Variants in RBFOX1 observed in about 807,000 individuals in gnomAD.
The protein encoded by RBFOX1 is RNA binding protein fox-1 homolog 1.
In RBFOX1, 8 loss-of-function variants were observed where a neutral mutation model predicts 57.7. That is an observed-to-expected ratio of 0.14 (90% CI 0.08 to 0.25). The LOEUF (loss-of-function observed/expected upper bound fraction) is 0.25, where lower values mean the gene tolerates loss of function less well. RBFOX1 is among the 10% of genes least tolerant of loss of function. The probability of loss-of-function intolerance (pLI) is 1.00; values close to 1 mark genes in which losing one functional copy is unlikely to be tolerated. For synonymous variants in RBFOX1, 326 were observed against 222.4 expected (o/e 1.47, Z -4.15); for missense variants, 611 against 548.5 (o/e 1.11, Z -1.14).
chr16:6,248,578 T>C (rs190088081), intron 1 of RBFOX1, among the ~76,000 whole-genome samples: 7 of 152,194 alleles, frequency 4.6e-5, no homozygotes, highest in East Asian at 3.9e-4. Context: ...GGGATGCAAA[T>C]TGGGGAGGGT....
rs146752953 is a variant in RBFOX1, at chr16:5,404,849, A to C, written c.220-62367A>C. Among the ~76,000 whole-genome samples the C allele has an allele frequency of 2.0e-3, 300 of 152,350 alleles. 4 individuals are homozygous for C. In the South Asian group the frequency reaches 0.02, roughly 10 times the overall value. ...GTTGAGAGAGAGCGACAAAGCCATGAAACCACCAAAGTCTTAACCACCAGG... is the reference window on the plus strand; with the variant it reads ...GTTGAGAGAGAGCGACAAAGCCATGCAACCACCAAAGTCTTAACCACCAGG... On this transcript the variant is annotated intron_variant, in intron 1 of 2. Coordinates refer to the RBFOX1 transcript ENST00000585867.
At chr16:6,546,498 T>C (rs1567632056) in intron 2 of RBFOX1, among the ~76,000 whole-genome samples, 1 of 152,182 alleles carries the variant, frequency 6.6e-6, no homozygotes, top group Non-Finnish European at 1.5e-5. Flanking sequence ...AATGGCACTC[T>C]CTGGCATATT....
intron 2 of RBFOX1, among the ~76,000 whole-genome samples, chr16:6,559,433 C>G (rs1179421622): frequency 1.3e-5 from 2 of 152,080 alleles, no homozygotes; most frequent in East Asian, 1.9e-4. Flanking sequence ...CTGAGATCAT[C>G]TCAGCACCAT....
At chr16:5,333,986 A>G (rs75342070) in intron 1 of RBFOX1, among the ~76,000 whole-genome samples, 1,889 of 152,340 alleles carry the variant, frequency 0.012, 45 homozygotes, top group African/African-American at 0.042. Flanking sequence ...AAGGAACACA[A>G]AAAGTGGCTC....
At chr16:7,246,331 G>A (rs926271263) in intron 4 of RBFOX1, among the ~76,000 whole-genome samples, 2 of 152,122 alleles carry the variant, frequency 1.3e-5, no homozygotes, top group Non-Finnish European at 2.9e-5. Flanking sequence ...CCCTGTCTCC[G>A]TCCTTGCTCC....
intron 3 of RBFOX1, among the ~76,000 whole-genome samples, chr16:6,781,933 C>G (rs932925434): frequency 6.6e-6 from 1 of 151,940 alleles, no homozygotes; most frequent in African/African-American, 2.4e-5. Context: ...TTTTCTTTGA[C>G]TAGTTTTGGG....
In RBFOX1 at chr16:6,426,561, G is replaced by A. The variant is rs141533505; in HGVS notation, c.-64+109504G>A. Among the ~76,000 whole-genome samples the A allele has an allele frequency of 4.7e-3, 716 of 152,110 alleles. 10 individuals are homozygous for A. Among genetic ancestry groups the A allele is most frequent in the African/African-American group, 0.016 (670 of 41,492 alleles). ...TGGGAGGATCTCTTGAGCCCAGGAG[G>A]CCGAGGCTGCAGTGAGCCATGATTG... On this transcript the variant is annotated intron_variant, in intron 2 of 15. Coordinates refer to ENST00000550418, the MANE Select transcript of RBFOX1 (RefSeq NM_018723.4).
intron 5 of RBFOX1, among the ~76,000 whole-genome samples, chr16:7,569,861 CA>C (rs1008285588): frequency 6.6e-6 from 1 of 151,348 alleles, no homozygotes; most frequent in Non-Finnish European, 1.5e-5. Flanking sequence ...CCTCTGTCTC[CA>C]AAAAAAACAA....
rs931168956 is a variant in RBFOX1 at position 7,711,372 on chromosome 16, T to C, written c.*627T>C. 6.6e-6 allele frequency: 1 copy of C among 152,586 alleles called. No homozygotes were observed. The highest frequency in any genetic ancestry group is 2.4e-5 in the African/African-American group (1 of 41,424). The allele number at this position is 152,586 out of a possible 1,614,324, so 9.5% of individuals were successfully genotyped here. On this transcript the variant is annotated 3_prime_UTR_variant, in exon 16 of 16. Transcript: ENST00000550418. ...TTCTAGTAGCACTTGTGCATCTGAG[T>C]TGAATGAAGCTGTGCAAACCCACCC... is the stretch of plus-strand genomic sequence containing the variant.
chr16:5,897,752 T>G (rs904125263), intron 4 of RBFOX1, among the ~76,000 whole-genome samples: 3 of 152,160 alleles, frequency 2.0e-5, no homozygotes, highest in African/African-American at 7.2e-5. Flanking sequence ...TTTTGTTTTT[T>G]AGTCTGATCA....
chr16:7,152,239 C>G (rs1284235161), intron 4 of RBFOX1, among the ~76,000 whole-genome samples: 1 of 152,148 alleles, frequency 6.6e-6, no homozygotes, highest in East Asian at 1.9e-4. Context: ...AGCGGTAGCA[C>G]AAGTAGGCTG....
intron 4 of RBFOX1, among the ~76,000 whole-genome samples, chr16:5,889,238 C>T (rs1196235312): frequency 6.6e-6 from 1 of 152,114 alleles, no homozygotes; most frequent in Non-Finnish European, 1.5e-5. Flanking sequence ...TGCTCTCCCT[C>T]CCCACACTCT....
chr16:6,101,472 T>A (rs147006493), intron 1 of RBFOX1, among the ~76,000 whole-genome samples: 2,716 of 152,072 alleles, frequency 0.018, 81 homozygotes, highest in African/African-American at 0.059. Flanking sequence ...CTTTTTAAAT[T>A]ATTATTATTA....
At chr16:7,244,204 A>T (rs774541865) in intron 4 of RBFOX1, among the ~76,000 whole-genome samples, 33 of 146,050 alleles carry the variant, frequency 2.3e-4, no homozygotes, top group Non-Finnish European at 3.4e-4. Flanking sequence ...TATATCTTTC[A>T]TCCCTTCTTC....
At chr16:6,840,223 T>G (rs559354123) in intron 3 of RBFOX1, among the ~76,000 whole-genome samples, 53 of 152,294 alleles carry the variant, frequency 3.5e-4, no homozygotes, top group African/African-American at 1.1e-3. Context: ...AAAGAGGTCT[T>G]TCTTTCTTTA....
chr16:6,505,204 A>T (rs910905657), intron 2 of RBFOX1, among the ~76,000 whole-genome samples: 1 of 152,202 alleles, frequency 6.6e-6, no homozygotes, highest in Non-Finnish European at 1.5e-5. Flanking sequence ...TATTCCTTAA[A>T]GCTCTTGATT....
intron 3 of RBFOX1, among the ~76,000 whole-genome samples, chr16:5,625,659 G>C (rs543554012): frequency 3.7e-4 from 55 of 147,446 alleles, no homozygotes; most frequent in African/African-American, 1.4e-3. Context: ...CTGGGTTCAA[G>C]TGATTCTCCT....
chr16:6,252,520 C>G (rs12918682), intron 1 of RBFOX1, among the ~76,000 whole-genome samples: 1 of 152,108 alleles, frequency 6.6e-6, no homozygotes. Flanking sequence ...GTTGGGAAGT[C>G]GACCCGAAGG....
chr16:5,852,239 C>G (rs1247215408), intron 3 of RBFOX1, among the ~76,000 whole-genome samples: 1 of 152,192 alleles, frequency 6.6e-6, no homozygotes, highest in Non-Finnish European at 1.5e-5. Flanking sequence ...GCTGTCTCCT[C>G]TGCCTCAAAT....
Sources: allele counts gnomAD v4.1 joint callset (sites outside exome capture counted in the v4.1 genomes callset), GRCh38; gene constraint gnomAD v4.1.1; transcripts MANE v1.5; gene names NCBI Gene and HGNC (gene_info 2026-07-23, HGNC 2026-07-21).